Variants in CALN1 observed in about 807,000 individuals in gnomAD.
CALN1 encodes calneuron 1.
A neutral mutation model predicts 30.6 loss-of-function variants in CALN1; 17 were observed. The observed-to-expected ratio is 0.56, with a 90% CI of 0.38 to 0.83. The LOEUF (loss-of-function observed/expected upper bound fraction) is 0.83. Ranked by LOEUF, CALN1 falls within the 40% of genes least tolerant of loss-of-function variation. The pLI is 0.00. For missense variants in CALN1, 291 were observed against 354.9 expected, an observed-to-expected ratio of 0.82 and a Z score of 1.45; for synonymous variants, 156 against 131.4, an observed-to-expected ratio of 1.19 and a Z score of -1.28.
At chr7:71,823,162 T>TTC (rs998733329) in intron 5 of CALN1, among the ~76,000 whole-genome samples, 10 of 151,082 alleles carry the variant, frequency 6.6e-5, no homozygotes, top group South Asian at 2.1e-4. Context: ...CTCCAGTTTC[T>TTC]TCTCTCTCTC....
At chr7:72,352,686 A>G (rs1297496799) in intron 2 of CALN1, among the ~76,000 whole-genome samples, 2 of 152,164 alleles carry the variant, frequency 1.3e-5, no homozygotes, top group African/African-American at 4.8e-5. Context: ...TTACTTTACA[A>G]AAAGATGAAA....
intron 2 of CALN1, among the ~76,000 whole-genome samples, chr7:72,374,182 A>T (rs1804408494): frequency 6.6e-6 from 1 of 152,244 alleles, no homozygotes; most frequent in Non-Finnish European, 1.5e-5. Context: ...GAATGAAGAA[A>T]AACAAAATAA....
At chr7:72,131,523 G>A (rs1403580451) in intron 3 of CALN1, among the ~76,000 whole-genome samples, 1 of 152,118 alleles carries the variant, frequency 6.6e-6, no homozygotes, top group Non-Finnish European at 1.5e-5. Flanking sequence ...TTTGGTTACT[G>A]TTCTAAGTGA....
chr7:72,100,557 G>A (rs1379166759), intron 4 of CALN1, among the ~76,000 whole-genome samples: 3 of 152,048 alleles, frequency 2.0e-5, no homozygotes, highest in African/African-American at 7.2e-5. Context: ...AGTGGCTCAT[G>A]CCTGTAATCC....
At chr7:72,378,346 T>C (rs1804686885) in intron 2 of CALN1, among the ~76,000 whole-genome samples, 1 of 152,220 alleles carries the variant, frequency 6.6e-6, no homozygotes, top group Admixed American at 6.5e-5. Flanking sequence ...ACAAAGCTGC[T>C]TGTTCTGTTC....
chr7:71,926,707 G>C (rs1293569673), intron 5 of CALN1, among the ~76,000 whole-genome samples: 1 of 151,712 alleles, frequency 6.6e-6, no homozygotes, highest in Non-Finnish European at 1.5e-5. Context: ...TTACCTCTTT[G>C]TGTTTCATTT....
intron 5 of CALN1, among the ~76,000 whole-genome samples, chr7:71,926,884 T>C (rs868236520): frequency 3.9e-5 from 6 of 152,208 alleles, no homozygotes; most frequent in Non-Finnish European, 7.3e-5. Flanking sequence ...TTCTCCACCA[T>C]GCATATTGCC....
chr7:71,796,193 G>T (rs529791365), intron 6 of CALN1, among the ~76,000 whole-genome samples: 38 of 151,948 alleles, frequency 2.5e-4, no homozygotes, highest in African/African-American at 9.2e-4. Context: ...TTATCCATTC[G>T]TAAGCTATAA....
At chr7:72,290,772 T>C (rs1798425258) in intron 2 of CALN1, among the ~76,000 whole-genome samples, 1 of 152,222 alleles carries the variant, frequency 6.6e-6, no homozygotes, top group Non-Finnish European at 1.5e-5. Flanking sequence ...TTTTACTGAA[T>C]GGTGGTTGAA....
intron 3 of CALN1, among the ~76,000 whole-genome samples, chr7:72,150,202 C>T (rs114082090): frequency 1.3e-3 from 201 of 151,282 alleles, no homozygotes; most frequent in African/African-American, 4.7e-3. Flanking sequence ...AAGATCTTCA[C>T]GAATCTTTTG....
intron 4 of CALN1, among the ~76,000 whole-genome samples, chr7:72,062,527 A>T (rs1345363160): frequency 9.4e-5 from 14 of 149,708 alleles, no homozygotes; most frequent in Admixed American, 2.0e-4. Context: ...AAAAAAAAAA[A>T]AAAGAAAAAA....
At chr7:72,226,493 G>A (rs1202712000) in intron 3 of CALN1, among the ~76,000 whole-genome samples, 1 of 152,110 alleles carries the variant, frequency 6.6e-6, no homozygotes, top group Non-Finnish European at 1.5e-5. Flanking sequence ...AACTTCATAA[G>A]ATGACCCAGC....
chr7:72,050,552 T>C (rs1802770159), intron 4 of CALN1, among the ~76,000 whole-genome samples: 1 of 152,112 alleles, frequency 6.6e-6, no homozygotes, highest in Non-Finnish European at 1.5e-5. Flanking sequence ...GAGCCCTAGA[T>C]CACTCCGAAA....
intron 5 of CALN1, among the ~76,000 whole-genome samples, chr7:71,931,565 C>G (rs968358017): frequency 6.6e-6 from 1 of 152,228 alleles, no homozygotes; most frequent in Admixed American, 6.5e-5. Context: ...CCGCGCCCAG[C>G]TGAAAACCAT....
intron 3 of CALN1, among the ~76,000 whole-genome samples, chr7:72,184,504 G>A (rs779464179): frequency 6.6e-6 from 1 of 152,200 alleles, no homozygotes; most frequent in Admixed American, 6.5e-5. Flanking sequence ...TAAGGTGCTT[G>A]ACACAGTTCT....
chr7:71,836,784 A>G (rs565593026), intron 5 of CALN1, among the ~76,000 whole-genome samples: 12 of 151,784 alleles, frequency 7.9e-5, no homozygotes, highest in African/African-American at 2.7e-4. Context: ...CGTCCAGCTA[A>G]TTTTTGTATT....
At chr7:71,978,262 CTTTTTTTTTTTTT>C (rs1010635078) in intron 5 of CALN1, among the ~76,000 whole-genome samples, 6 of 72,950 alleles carry the variant, frequency 8.2e-5, no homozygotes, top group African/African-American at 1.7e-4. Context: ...CTAGAGAATT[CTTTTTTTTTTTTT>C]TTTTTTTTTT....
chr7:72,280,515 A>G (rs535038107), intron 2 of CALN1, among the ~76,000 whole-genome samples: 1 of 152,374 alleles, frequency 6.6e-6, no homozygotes, highest in East Asian at 1.9e-4. Flanking sequence ...CTCTAGAAGA[A>G]CACTTCAATG....
intron 3 of CALN1, among the ~76,000 whole-genome samples, chr7:72,132,655 A>T (rs1036601936): frequency 6.6e-6 from 1 of 152,220 alleles, no homozygotes; most frequent in African/African-American, 2.4e-5. Flanking sequence ...AGAAAAAATT[A>T]TATCAACATA....
Sources: allele counts gnomAD v4.1 joint callset (sites outside exome capture counted in the v4.1 genomes callset), GRCh38; gene constraint gnomAD v4.1.1; transcripts MANE v1.5; gene names NCBI Gene and HGNC (gene_info 2026-07-23, HGNC 2026-07-21).